Variants in STK31 observed in about 807,000 individuals in gnomAD.
STK31 encodes serine/threonine kinase 31.
STK31 carries 89 observed loss-of-function variants against 129.7 expected under a neutral mutation model. That is an observed-to-expected ratio of 0.69 (90% CI 0.58 to 0.82). The LOEUF is 0.82. Ranked by LOEUF, STK31 falls within the 40% of genes least tolerant of loss-of-function variation. The pLI, the probability that STK31 is intolerant of heterozygous loss-of-function variation, is 0.00. For missense variants in STK31, 1,187 were observed against 1,176.4 expected (o/e 1.01, Z -0.13); for synonymous variants, 448 against 395.3 (o/e 1.13, Z -1.58).
chr7:23,775,841 C>T (rs961674090), intron 15 of STK31, among the ~76,000 whole-genome samples: 2 of 152,108 alleles, frequency 1.3e-5, no homozygotes, highest in African/African-American at 4.8e-5. Context: ...TGCTTGATTG[C>T]CCTGTCCAGA....
At chr7:23,806,795 G>C (rs1461824029) in intron 22 of STK31, among the ~76,000 whole-genome samples, 1 of 151,772 alleles carries the variant, frequency 6.6e-6, no homozygotes, top group African/African-American at 2.4e-5. Flanking sequence ...AGCTACTGGG[G>C]AGGCTGAGGC....
In STK31 at chr7:23,790,869, A is replaced by G. The variant is rs550391813; in HGVS notation, c.2683A>G (p.Met895Val). 78 of 1,609,146 alleles carry G rather than the reference A, an allele frequency of 4.8e-5. 2 individuals carry two copies. In the South Asian group the frequency reaches 8.6e-4, roughly 18 times the overall value. The change falls in exon 22 of 24, where the codon ATG (methionine) becomes GTG (valine). Residue 895 changes from methionine (M) to valine (V), a missense_variant. This residue lies in a region of STK31 where 975 missense variants were observed against 934.9 expected (regional missense o/e 1.04). Transcript: ENST00000355870. ...VNMMVGDLSL[M>V]SPELKMGKPA... The stretch of plus-strand genomic sequence containing the variant: ...CATGATGGTTGGTGACTTGAGTTTG[A>G]TGTCACCTGAGTTGAAAATGGGAAA...
chr7:23,823,428 A>G (rs56344860), intron 23 of STK31, among the ~76,000 whole-genome samples: 24,765 of 152,006 alleles, frequency 0.16, 2,026 homozygotes, highest in East Asian at 0.22. Flanking sequence ...TCCTTCATCC[A>G]CTTTTTGATG....
chr7:23,761,032 C>T (rs1789429705), intron 10 of STK31, among the ~76,000 whole-genome samples: 1 of 152,124 alleles, frequency 6.6e-6, no homozygotes, highest in Non-Finnish European at 1.5e-5. Flanking sequence ...TATTGTTTTT[C>T]CATTGAAACC....
At position 23,817,200 on chromosome 7, in the gene STK31, AT is replaced by A. The variant is rs1341457311; in HGVS notation, c.2829+1989del. On this transcript the variant is annotated intron_variant, in intron 23 of 23. Transcript: ENST00000355870. Reference sequence around the variant, plus strand: ...AAGACTTTGTCTCAAAAAAAAAAAAATAATAATAATAATCTGCCTGTAATCT... The same window carrying A: ...AAGACTTTGTCTCAAAAAAAAAAAAAAATAATAATAATCTGCCTGTAATCT... Among the ~76,000 whole-genome samples the A allele has an allele frequency of 7.9e-5, 12 of 151,980 alleles. No individual in the cohort carries two copies. In the East Asian group the frequency reaches 1.9e-3, roughly 24 times the overall value.
At chr7:23,820,216 T>A (rs1465455161) in intron 23 of STK31, among the ~76,000 whole-genome samples, 1 of 152,160 alleles carries the variant, frequency 6.6e-6, no homozygotes, top group Non-Finnish European at 1.5e-5. Context: ...ACACAGGGGA[T>A]TGGTACAGAT....
At chr7:23,763,951 C>T (rs993372988) in intron 11 of STK31, among the ~76,000 whole-genome samples, 2 of 152,116 alleles carry the variant, frequency 1.3e-5, no homozygotes, top group Non-Finnish European at 2.9e-5. Flanking sequence ...TAGCTAATAT[C>T]GATCTTGTTG....
intron 22 of STK31, among the ~76,000 whole-genome samples, chr7:23,800,475 C>T (rs1377345459): frequency 6.6e-6 from 1 of 152,130 alleles, no homozygotes; most frequent in Non-Finnish European, 1.5e-5. Flanking sequence ...AGCAAACTAA[C>T]ACAGGAACAG....
chr7:23,812,301 G>A (rs1201610121), intron 22 of STK31, among the ~76,000 whole-genome samples: 3 of 150,274 alleles, frequency 2.0e-5, no homozygotes, highest in East Asian at 3.9e-4. Context: ...TATGATAAAC[G>A]TTTATCATAC....
At chr7:23,757,272 AAAAG>A (rs1181765068) in intron 10 of STK31, among the ~76,000 whole-genome samples, 2 of 151,920 alleles carry the variant, frequency 1.3e-5, no homozygotes, top group African/African-American at 2.4e-5. Context: ...GAGACTTGAG[AAAAG>A]AAAGAGACAC....
At chr7:23,740,386 G>T (rs1787987758) in intron 8 of STK31, among the ~76,000 whole-genome samples, 1 of 152,020 alleles carries the variant, frequency 6.6e-6, no homozygotes, top group African/African-American at 2.4e-5. Context: ...ATTCATAATG[G>T]ATAAATCACC....
rs553407264 is a variant in STK31, at chr7:23,737,542, C to T, written c.1017+464C>T. ...ACTTTAAAAAACCGTAATAATAATA[C>T]TATTCATACTTAAAAGTAAACAATA... is the stretch of plus-strand genomic sequence containing the variant. On this transcript the variant is annotated intron_variant, in intron 8 of 23. Coordinates refer to ENST00000355870, the MANE Select transcript of STK31 (RefSeq NM_031414.5). 1.4e-4 allele frequency among the ~76,000 whole-genome samples: 21 copies of T among 152,194 alleles called. No homozygotes were observed. In the East Asian group the frequency reaches 4.1e-3, roughly 29 times the overall value.
intron 22 of STK31, among the ~76,000 whole-genome samples, chr7:23,804,628 G>A (rs921089110): frequency 3.3e-5 from 5 of 152,112 alleles, no homozygotes; most frequent in African/African-American, 1.2e-4. Context: ...TCTAGGAGAT[G>A]TTAGTGGTCA....
intron 22 of STK31, among the ~76,000 whole-genome samples, chr7:23,810,842 A>G (rs1280800823): frequency 1.4e-5 from 2 of 141,572 alleles, no homozygotes; most frequent in African/African-American, 2.6e-5. Context: ...ATATATTTGT[A>G]TATAAATATG....
chr7:23,737,278 TTAA>T (rs1787775477), intron 8 of STK31, among the ~76,000 whole-genome samples, 200 bp downstream of exon 8: 1 of 152,222 alleles, frequency 6.6e-6, no homozygotes, highest in Admixed American at 6.5e-5. Flanking sequence ...GTTTGCAAAT[TTAA>T]TAATTTCTCA....
intron 6 of STK31, among the ~76,000 whole-genome samples, chr7:23,731,678 T>A (rs901428208): frequency 1.3e-5 from 2 of 152,144 alleles, no homozygotes; most frequent in Non-Finnish European, 2.9e-5. Context: ...TGCAGCACAG[T>A]CAGAATTGAT....
At chr7:23,718,668 T>C (rs1048556475) in intron 4 of STK31, among the ~76,000 whole-genome samples, 4 of 152,120 alleles carry the variant, frequency 2.6e-5, no homozygotes, top group African/African-American at 9.6e-5. Context: ...TGTGTATTAG[T>C]GTATTGGTAG....
chr7:23,808,404 C>T (rs758698681), intron 22 of STK31, among the ~76,000 whole-genome samples: 7 of 151,996 alleles, frequency 4.6e-5, no homozygotes, highest in Admixed American at 2.0e-4. Flanking sequence ...TGTTTCACCA[C>T]CACCTTATTC....
At position 23,749,427 on chromosome 7, in the gene STK31, C is replaced by T. The variant is rs527671668; in HGVS notation, c.1018-3290C>T. ...GCGTGATCTTGGCTCACTGCAACCT[C>T]CACCTCCCGGACTCAAGTGATCCTC... On this transcript the variant is annotated intron_variant, in intron 8 of 23. Coordinates refer to ENST00000355870, the MANE Select transcript of STK31 (RefSeq NM_031414.5). Among the ~76,000 whole-genome samples the T allele has an allele frequency of 5.3e-5, 8 of 150,452 alleles. No homozygotes were observed. In the South Asian group the frequency reaches 1.3e-3, roughly 24 times the overall value.
Sources: allele counts gnomAD v4.1 joint callset (sites outside exome capture counted in the v4.1 genomes callset), GRCh38; gene constraint gnomAD v4.1.1; regional missense constraint gnomAD v4.1.1; transcripts MANE v1.5; gene names NCBI Gene and HGNC (gene_info 2026-07-23, HGNC 2026-07-21).